PLCH1: variants seen among roughly 807,000 people sequenced by gnomAD.
The protein encoded by PLCH1 is phospholipase C eta 1.
Under a neutral mutation model 126.7 loss-of-function variants are expected in PLCH1, and 60 were observed. The observed-to-expected ratio is 0.47, with a 90% CI of 0.38 to 0.59. The LOEUF (loss-of-function observed/expected upper bound fraction) is 0.59, where lower values mean the gene tolerates loss of function less well. Ranked by LOEUF, PLCH1 falls within the 20% of genes least tolerant of loss-of-function variation. The probability of loss-of-function intolerance (pLI) is 0.00; values close to 1 mark genes in which losing one functional copy is unlikely to be tolerated. For missense variants in PLCH1, 1,723 were observed against 2,040.0 expected (o/e 0.84, Z 2.99); for synonymous variants, 719 against 734.9 (o/e 0.98, Z 0.35).
intron 2 of PLCH1, among the ~76,000 whole-genome samples, chr3:155,635,189 C>T (rs1431376833): frequency 6.6e-5 from 10 of 151,978 alleles, no homozygotes; most frequent in African/African-American, 1.7e-4. Flanking sequence ...GCTACACTCA[C>T]TCATATGACC....
At chr3:155,636,563 A>T (rs1175769734) in intron 2 of PLCH1, among the ~76,000 whole-genome samples, 6 of 152,106 alleles carry the variant, frequency 3.9e-5, no homozygotes, top group African/African-American at 7.2e-5. Flanking sequence ...GCTGGCTAAC[A>T]TGGAGAAACC....
intron 1 of PLCH1, among the ~76,000 whole-genome samples, chr3:155,712,846 T>C (rs889859778): frequency 6.6e-6 from 1 of 151,898 alleles, no homozygotes; most frequent in Non-Finnish European, 1.5e-5. Context: ...TCTCCACCTC[T>C]TTCTCTCTAC....
chr3:155,561,035 A>G (rs1053840397), intron 8 of PLCH1, among the ~76,000 whole-genome samples: 4 of 152,108 alleles, frequency 2.6e-5, no homozygotes, highest in African/African-American at 7.2e-5. Context: ...TTGTTCTTCT[A>G]CACTCATTAA....
chr3:155,486,579 C>T (rs1489112494), intron 21 of PLCH1, among the ~76,000 whole-genome samples: 1 of 142,722 alleles, frequency 7.0e-6, no homozygotes, highest in Admixed American at 7.1e-5. Flanking sequence ...CTGCGGACTG[C>T]AGTGGCGCAA....
chr3:155,726,878 CTT>C (rs201977097), intron 1 of PLCH1, among the ~76,000 whole-genome samples: 13 of 133,100 alleles, frequency 9.8e-5, no homozygotes, highest in East Asian at 2.1e-4. Context: ...TTTCTTTTTT[CTT>C]TTTTTTTTTT....
chr3:155,727,589 T>C (rs1324956713), intron 1 of PLCH1, among the ~76,000 whole-genome samples: 1 of 152,108 alleles, frequency 6.6e-6, no homozygotes, highest in Non-Finnish European at 1.5e-5. Flanking sequence ...GGTTTCACCA[T>C]GTTAGCCAGG....
chr3:155,581,859 C>T (rs1320784693), intron 6 of PLCH1, among the ~76,000 whole-genome samples: 1 of 150,840 alleles, frequency 6.6e-6, no homozygotes, highest in Non-Finnish European at 1.5e-5. Flanking sequence ...CAAGCATTCT[C>T]CCGTCTCAGC....
intron 8 of PLCH1, among the ~76,000 whole-genome samples, chr3:155,564,554 A>G (rs949938433): frequency 6.6e-6 from 1 of 152,066 alleles, no homozygotes; most frequent in Non-Finnish European, 1.5e-5. Context: ...ACAGAGCGAG[A>G]CTCCATCTCA....
intron 2 of PLCH1, among the ~76,000 whole-genome samples, chr3:155,681,561 T>C (rs192253239): frequency 1.3e-5 from 2 of 152,198 alleles, no homozygotes; most frequent in Non-Finnish European, 2.9e-5. Flanking sequence ...GAGTCACTTA[T>C]TGCCTTCAGT....
At chr3:155,662,146 T>C (rs974821180) in intron 2 of PLCH1, among the ~76,000 whole-genome samples, 2 of 152,148 alleles carry the variant, frequency 1.3e-5, no homozygotes, top group Non-Finnish European at 2.9e-5. Flanking sequence ...AGAGAAGCTA[T>C]TGCCATGATC....
intron 4 of PLCH1, among the ~76,000 whole-genome samples, chr3:155,589,994 G>C (rs1392548440): frequency 1.3e-5 from 2 of 152,160 alleles, no homozygotes; most frequent in Non-Finnish European, 2.9e-5. Context: ...GTGGGGGCTG[G>C]ACCGCAGGCA....
At chr3:155,740,700 T>C (rs769892660) in intron 1 of PLCH1, among the ~76,000 whole-genome samples, 34 of 152,142 alleles carry the variant, frequency 2.2e-4, no homozygotes, top group Non-Finnish European at 4.0e-4. Flanking sequence ...TTAAAAATCG[T>C]ATTTAAAAAA....
intron 10 of PLCH1, among the ~76,000 whole-genome samples, chr3:155,542,009 A>G (rs1724326508): frequency 6.6e-6 from 1 of 152,156 alleles, no homozygotes; most frequent in East Asian, 1.9e-4. Context: ...GGTTCATCTC[A>G]CTAGGGAGTG....
At chr3:155,523,544 A>C (rs1247738045) in intron 11 of PLCH1, among the ~76,000 whole-genome samples, 1 of 152,134 alleles carries the variant, frequency 6.6e-6, no homozygotes, top group Non-Finnish European at 1.5e-5. Context: ...GGCTGCTAGC[A>C]CGAGGTAGGG....
Position 155,590,494 on chromosome 3 carries a change from C to A in PLCH1, c.470+3447G>T, listed in dbSNP as rs191338762. Reference sequence around the variant, plus strand: ...TCGGGAGGCTGAGGCAGGAGAATGGCGTAAACAGATGAGGTGGAGCTTGCA... The same window carrying A: ...TCGGGAGGCTGAGGCAGGAGAATGGAGTAAACAGATGAGGTGGAGCTTGCA... On this transcript the variant is annotated intron_variant, in intron 4 of 22. Coordinates refer to ENST00000460012, the MANE Select transcript of PLCH1 (RefSeq NM_014996.4). 3.0e-3 allele frequency among the ~76,000 whole-genome samples: 452 copies of A among 150,926 alleles called. 2 individuals are homozygous for A. Among genetic ancestry groups the A allele is most frequent in the South Asian group, 0.019 (93 of 4,780 alleles).
At chr3:155,470,663 G>A (rs546175241) in intron 21 of PLCH1, among the ~76,000 whole-genome samples, 1 of 152,034 alleles carries the variant, frequency 6.6e-6, no homozygotes, top group Non-Finnish European at 1.5e-5. Flanking sequence ...AAAATGTTAA[G>A]GGCAGCCAGA....
At position 155,564,908 on chromosome 3, in the gene PLCH1, C is replaced by T. The variant is rs377368275; in HGVS notation, c.1069+7G>A. 30 of 1,605,356 alleles carry T rather than the reference C, an allele frequency of 1.9e-5. No individual in the cohort carries two copies. The highest frequency in any genetic ancestry group is 2.6e-5 in the Non-Finnish European group (30 of 1,172,784). ...TACACACCGGAGCTCAGAAAAAGTGCACGTACCTTCCACACAGCGACAGCC... is the reference window on the plus strand; with the variant it reads ...TACACACCGGAGCTCAGAAAAAGTGTACGTACCTTCCACACAGCGACAGCC... On this transcript the variant is annotated splice_region_variant and intron_variant, in intron 8 of 22. Coordinates refer to ENST00000460012, the MANE Select transcript of PLCH1 (RefSeq NM_014996.4).
At chr3:155,599,453 T>A (rs1022567075) in intron 2 of PLCH1, among the ~76,000 whole-genome samples, 13 of 152,046 alleles carry the variant, frequency 8.6e-5, no homozygotes, top group Non-Finnish European at 1.9e-4. Context: ...AAAAGGGAAT[T>A]GACAGAATGT....
chr3:155,625,178 T>G (rs565676303), intron 2 of PLCH1, among the ~76,000 whole-genome samples: 4 of 151,990 alleles, frequency 2.6e-5, no homozygotes, highest in African/African-American at 9.7e-5. Flanking sequence ...GTTGGGAAAA[T>G]TGGCTAGCCA....
Sources: gnomAD v4.1 joint callset for allele counts (sites outside exome capture counted in the v4.1 genomes callset) on GRCh38, gnomAD v4.1.1 for gene constraint, MANE v1.5 for transcripts, NCBI Gene and HGNC (gene_info 2026-07-23, HGNC 2026-07-21) for gene names.